TDRD3: variants seen among roughly 807,000 people sequenced by gnomAD.
The protein encoded by TDRD3 is tudor domain containing 3.
A neutral mutation model predicts 86.7 loss-of-function variants in TDRD3; 45 were observed. The ratio of observed to expected loss-of-function variants is 0.52; its 90% CI spans 0.41 to 0.67. The LOEUF (loss-of-function observed/expected upper bound fraction) is 0.67, where lower values mean the gene tolerates loss of function less well. Among genes scored for constraint, TDRD3 ranks in the 30% least tolerant of loss-of-function variants. TDRD3 has a pLI of 0.00. For synonymous variants in TDRD3, 298 were observed against 301.7 expected (o/e 0.99, Z 0.13); for missense variants, 814 against 889.0 (o/e 0.92, Z 1.07).
In TDRD3 at chr13:60,561,963, GATA is replaced by G. The variant is rs1418879153; in HGVS notation, c.2119-5555_2119-5553del. Among the ~76,000 whole-genome samples the G allele has an allele frequency of 1.1e-4, 17 of 152,030 alleles. No homozygotes were observed. In the South Asian group the frequency reaches 3.5e-3, roughly 32 times the overall value. ...AGGATAATTGGTAAAGTTCAGTATT[GATA>G]ATAATACATGACTCCCATGGGCACC... On this transcript the variant is annotated intron_variant, in intron 12 of 13. Transcript: ENST00000377881.
intron 5 of TDRD3, among the ~76,000 whole-genome samples, chr13:60,478,024 T>A (rs1956224078): frequency 6.6e-6 from 1 of 151,668 alleles, no homozygotes; most frequent in African/African-American, 2.4e-5. Context: ...GTTAAGAGAT[T>A]TTTTTTTATT....
chr13:60,400,540 G>A (rs1646997366), intron 1 of TDRD3, among the ~76,000 whole-genome samples: 2 of 151,976 alleles, frequency 1.3e-5, no homozygotes. Context: ...TTGGAGACCA[G>A]CCTGGCAAAA....
At chr13:60,490,052 T>TG in intron 7 of TDRD3, among the ~76,000 whole-genome samples, 1 of 145,418 alleles carries the variant, frequency 6.9e-6, no homozygotes, top group East Asian at 2.0e-4. Flanking sequence ...GCATCTTAGT[T>TG]TTTTTTTTTT....
At chr13:60,438,539 G>A (rs1290294286) in intron 1 of TDRD3, among the ~76,000 whole-genome samples, 2 of 151,892 alleles carry the variant, frequency 1.3e-5, no homozygotes, top group Admixed American at 6.6e-5. Flanking sequence ...GACTTTTATC[G>A]CCTTGGTCTT....
intron 12 of TDRD3, among the ~76,000 whole-genome samples, chr13:60,545,683 ATATTAT>A (rs531329763): frequency 6.6e-6 from 1 of 152,082 alleles, no homozygotes; most frequent in African/African-American, 2.4e-5. Flanking sequence ...GATAATATAA[ATATTAT>A]TATTAGGAAA....
intron 1 of TDRD3, among the ~76,000 whole-genome samples, chr13:60,414,821 T>C (rs937339406): frequency 6.6e-6 from 1 of 152,112 alleles, no homozygotes; most frequent in Non-Finnish European, 1.5e-5. Context: ...TTGGTTTCAA[T>C]TGAGCATTCC....
intron 12 of TDRD3, among the ~76,000 whole-genome samples, chr13:60,551,290 A>G (rs1958047764): frequency 6.6e-6 from 1 of 152,232 alleles, no homozygotes. Flanking sequence ...CTATAAAAAC[A>G]TGTAACCTCA....
At chr13:60,543,368 TA>T (rs1425800434) in intron 12 of TDRD3, among the ~76,000 whole-genome samples, 2 of 152,130 alleles carry the variant, frequency 1.3e-5, no homozygotes, top group Non-Finnish European at 2.9e-5. Context: ...AATCTAGATT[TA>T]AAAAAATTTA....
chr13:60,497,167 C>T (rs1163506958), intron 8 of TDRD3, among the ~76,000 whole-genome samples: 2 of 152,038 alleles, frequency 1.3e-5, no homozygotes, highest in Admixed American at 6.6e-5. Context: ...TCTGGGACGG[C>T]GGTGAACAGC....
intron 3 of TDRD3, among the ~76,000 whole-genome samples, chr13:60,452,422 T>G (rs1955571843): frequency 6.6e-6 from 1 of 152,106 alleles, no homozygotes; most frequent in Non-Finnish European, 1.5e-5. Flanking sequence ...ATTCTTCTTC[T>G]TATTCCAGAT....
intron 1 of TDRD3, among the ~76,000 whole-genome samples, chr13:60,405,255 C>T (rs947288218): frequency 2.0e-5 from 3 of 152,142 alleles, no homozygotes; most frequent in Non-Finnish European, 4.4e-5. Context: ...AGATGTGAGC[C>T]ACAGTGTCCA....
chr13:60,406,640 G>A (rs2137811611), intron 1 of TDRD3, among the ~76,000 whole-genome samples: 1 of 152,250 alleles, frequency 6.6e-6, no homozygotes, highest in South Asian at 2.1e-4. Context: ...AGGGGAAAAA[G>A]CTTTAGAATG....
rs1264984808 is a variant in TDRD3 at position 60,492,941 on chromosome 13, C to T, written c.718-1494C>T. Among the ~76,000 whole-genome samples the T allele has an allele frequency of 8.8e-5, 9 of 102,668 alleles. No homozygotes were observed. The East Asian group carries it at 2.0e-3, about 23-fold the overall frequency. The allele number at this position is 102,668 out of a possible 152,430, so 67.4% of individuals were successfully genotyped here. A position where few individuals can be genotyped will look rare whatever the true frequency, so the allele number is the denominator to read the frequency against. On this transcript the variant is annotated intron_variant, in intron 7 of 13. Transcript: ENST00000377881. ...TCTTTTTTTTTTTTTTTTTTTGAGA[C>T]GGAGTCTCGCTGTATCTCCCAGGTT...
chr13:60,513,412 T>TA (rs1449507939), intron 10 of TDRD3, among the ~76,000 whole-genome samples: 1 of 152,258 alleles, frequency 6.6e-6, no homozygotes, highest in Non-Finnish European at 1.5e-5. Context: ...CCTTGTTACT[T>TA]ACGCATATTT....
intron 1 of TDRD3, among the ~76,000 whole-genome samples, chr13:60,408,617 C>T (rs1954288813): frequency 6.6e-6 from 1 of 152,124 alleles, no homozygotes; most frequent in African/African-American, 2.4e-5. Context: ...TGCCCCTGCC[C>T]TAGAGATTTG....
chr13:60,477,165 G>A (rs1016199881), intron 5 of TDRD3, among the ~76,000 whole-genome samples: 12 of 151,350 alleles, frequency 7.9e-5, no homozygotes, highest in African/African-American at 2.7e-4. Flanking sequence ...TGCCTGTTGA[G>A]TATGATGTTG....
intron 2 of TDRD3, among the ~76,000 whole-genome samples, chr13:60,443,614 A>G (rs1174716972): frequency 1.3e-5 from 2 of 151,956 alleles, no homozygotes; most frequent in African/African-American, 2.4e-5. Context: ...GGTAGGTGTT[A>G]AAAGAAGATG....
chr13:60,421,027 C>T (rs1430894587), intron 1 of TDRD3, among the ~76,000 whole-genome samples: 1 of 152,120 alleles, frequency 6.6e-6, no homozygotes, highest in Non-Finnish European at 1.5e-5. Context: ...GCCAATATCA[C>T]ACTGTCTGGA....
At chr13:60,456,951 C>T (rs1469408910) in intron 3 of TDRD3, among the ~76,000 whole-genome samples, 2 of 152,118 alleles carry the variant, frequency 1.3e-5, no homozygotes, top group Non-Finnish European at 2.9e-5. Context: ...CCACCTCCAT[C>T]CTCCAAAGTG....
Sources: allele counts gnomAD v4.1 joint callset (sites outside exome capture counted in the v4.1 genomes callset), GRCh38; gene constraint gnomAD v4.1.1; transcripts MANE v1.5; gene names NCBI Gene and HGNC (gene_info 2026-07-23, HGNC 2026-07-21).